Variants in RSPO3 observed in about 807,000 individuals in gnomAD.
The protein encoded by RSPO3 is R-spondin 3.
RSPO3 carries 17 observed loss-of-function variants against 36.5 expected under a neutral mutation model. The ratio of observed to expected loss-of-function variants is 0.47; its 90% CI spans 0.32 to 0.70. The LOEUF (loss-of-function observed/expected upper bound fraction) is 0.70, where lower values mean the gene tolerates loss of function less well. RSPO3 is among the 30% of genes least tolerant of loss of function. The pLI is 0.04. For missense variants in RSPO3, 294 were observed against 322.5 expected (o/e 0.91, Z 0.68); for synonymous variants, 108 against 107.0 (o/e 1.01, Z -0.06).
At chr6:127,120,649 G>C (rs559571254) in intron 1 of RSPO3, among the ~76,000 whole-genome samples, 1 of 152,254 alleles carries the variant, frequency 6.6e-6, no homozygotes, top group Admixed American at 6.5e-5. Context: ...GGGCATGAGG[G>C]TCCCCTGAAA....
intron 1 of RSPO3, among the ~76,000 whole-genome samples, chr6:127,146,200 T>C (rs1187670433): frequency 6.6e-6 from 1 of 152,148 alleles, no homozygotes; most frequent in Non-Finnish European, 1.5e-5. Context: ...AATTCACTGA[T>C]TAAAACATAA....
intron 1 of RSPO3, among the ~76,000 whole-genome samples, chr6:127,124,682 T>C (rs1582782891): frequency 6.6e-6 from 1 of 152,090 alleles, no homozygotes; most frequent in South Asian, 2.1e-4. Context: ...GACAACCTAG[T>C]AAATTTGAAA....
chr6:127,124,102 GA>G (rs1379105105), intron 1 of RSPO3, among the ~76,000 whole-genome samples: 1 of 151,972 alleles, frequency 6.6e-6, no homozygotes, highest in East Asian at 1.9e-4. Flanking sequence ...AGAGTTTTCA[GA>G]GCCCTATGTA....
intron 4 of RSPO3, among the ~76,000 whole-genome samples, chr6:127,160,571 T>G (rs1308901856): frequency 6.6e-6 from 1 of 152,214 alleles, no homozygotes; most frequent in Non-Finnish European, 1.5e-5. Context: ...CAGTCACATT[T>G]ATACCCACTT....
chr6:127,161,966 T>TGGCTGGGCAATTAAGGCTGAGACC (rs1774718187), intron 4 of RSPO3, among the ~76,000 whole-genome samples: 1 of 152,168 alleles, frequency 6.6e-6, no homozygotes, highest in South Asian at 2.1e-4. Context: ...TAACAATTTG[T>TGGCTGGGCAATTAAGGCTGAGACC]GGCTGGGCAA....
At chr6:127,152,449 A>C (rs1025411126) in intron 3 of RSPO3, among the ~76,000 whole-genome samples, 3 of 152,172 alleles carry the variant, frequency 2.0e-5, no homozygotes, top group African/African-American at 7.2e-5. Flanking sequence ...AAGGAATATT[A>C]AAGCCTGTTC....
chr6:127,177,979 T>A (rs1365087075), intron 4 of RSPO3, among the ~76,000 whole-genome samples: 1 of 151,712 alleles, frequency 6.6e-6, no homozygotes, highest in Non-Finnish European at 1.5e-5. Context: ...ACAGTCCTTT[T>A]TTGAGTCATT....
In RSPO3 at chr6:127,185,832, A is replaced by G. The variant is rs73771617; in HGVS notation, c.635-9991A>G. Among the ~76,000 whole-genome samples, 706 of 152,202 alleles carry G rather than the reference A, an allele frequency of 4.6e-3. 5 individuals carry two copies. Among genetic ancestry groups the G allele is most frequent in the African/African-American group, 0.016 (656 of 41,532 alleles). ...TACTATCAAGATTTCTTGTATAATC[A>G]ATCACAGCAAACATGTCAGCAAGTA... On this transcript the variant is annotated intron_variant, in intron 4 of 4. Coordinates refer to ENST00000356698, the MANE Select transcript of RSPO3 (RefSeq NM_032784.5).
chr6:127,156,809 G>C (rs1475534816), intron 4 of RSPO3, among the ~76,000 whole-genome samples: 3 of 152,096 alleles, frequency 2.0e-5, no homozygotes, highest in Non-Finnish European at 4.4e-5. Flanking sequence ...GTGTGAACTA[G>C]TTTAAAGGGA....
At position 127,148,779 on chromosome 6, in the gene RSPO3, C is replaced by G. The variant is rs776195682; in HGVS notation, c.229C>G (p.Leu77Val). Residue 77 changes from leucine to valine, a missense_variant, in exon 2 of 5, where the codon CTC becomes GTC. Transcript: ENST00000356698. ...RIGMKQIGVCLSSCPSGYYGT... is the reference protein window; with the variant it reads ...RIGMKQIGVCVSSCPSGYYGT... ...TGGCATGAAGCAGATTGGAGTATGT[C>G]TCTCTTCATGTCCAAGTGGATATTA... is the stretch of plus-strand genomic sequence containing the variant. 6.2e-6 allele frequency: 10 copies of G among 1,612,924 alleles called. No homozygotes were observed. The highest frequency in any genetic ancestry group is 8.5e-6 in the Non-Finnish European group (10 of 1,179,306).
chr6:127,142,593 A>C (rs551216718), intron 1 of RSPO3, among the ~76,000 whole-genome samples: 1 of 152,226 alleles, frequency 6.6e-6, no homozygotes, highest in Non-Finnish European at 1.5e-5. Context: ...GAATTACTGA[A>C]GTAAATGACA....
intron 4 of RSPO3, among the ~76,000 whole-genome samples, chr6:127,158,132 A>T (rs1446371732): frequency 7.3e-6 from 1 of 137,008 alleles, no homozygotes; most frequent in Non-Finnish European, 1.6e-5. Flanking sequence ...CAACAGAGCA[A>T]ATTTAGTAGA....
At position 127,198,643 on chromosome 6, in the gene RSPO3, G is replaced by A. The variant is rs1775561454; in HGVS notation, c.*2636G>A. On this transcript the variant is annotated 3_prime_UTR_variant, in exon 5 of 5. Transcript: ENST00000356698. ...GCTCCTGCCCTGTTCTCCGAATTCA[G>A]CTTCATAATTAAGGGAAGGCCTGTT... is the stretch of plus-strand genomic sequence containing the variant. 6.6e-6 allele frequency among the ~76,000 whole-genome samples: 1 copy of A among 152,186 alleles called. No homozygotes were observed. The highest frequency in any genetic ancestry group is 2.4e-5 in the African/African-American group (1 of 41,450).
In RSPO3 at chr6:127,155,404, A is replaced by G; in HGVS notation, c.600A>G (p.Thr200=). The part of the protein sequence containing the change: ...CPPTNETRKC[T]VQRKKCQKGE... ...CAACAAATGAGACAAGAAAGTGTAC[A>G]GTGCAAAGGAAGAAGTGTCAGAAGG... The change falls in exon 4 of 5, where the codon ACA becomes ACG. Residue 200 remains threonine, a synonymous_variant. Transcript: ENST00000356698. 6.2e-7 allele frequency: 1 copy of G among 1,613,796 alleles called. No homozygotes were observed. The highest frequency in any genetic ancestry group is 8.5e-7 in the Non-Finnish European group (1 of 1,179,812).
At chr6:127,186,728 C>T (rs887210514) in intron 4 of RSPO3, among the ~76,000 whole-genome samples, 8 of 151,910 alleles carry the variant, frequency 5.3e-5, no homozygotes, top group Admixed American at 1.3e-4. Context: ...TAAATTGGCA[C>T]GTTAGGCAAA....
In RSPO3 at chr6:127,197,347, T is replaced by A; in HGVS notation, c.*1340T>A. Reference sequence around the variant, plus strand: ...TTCATTGCTTAGAAATGGGCATCATTTCTTGTATGTCAGATCCCCCTGCAT... The same window carrying A: ...TTCATTGCTTAGAAATGGGCATCATATCTTGTATGTCAGATCCCCCTGCAT... On this transcript the variant is annotated 3_prime_UTR_variant, in exon 5 of 5. Transcript: ENST00000356698. 3 of 1,523,598 alleles carry A rather than the reference T, an allele frequency of 2.0e-6. No individual in the cohort carries two copies. Among genetic ancestry groups the A allele is most frequent in the Non-Finnish European group, 1.8e-6 (2 of 1,131,306 alleles). 94.4% of individuals were successfully genotyped at this position (1,523,598 alleles called of 1,614,324 possible).
chr6:127,167,558 T>C (rs755467856), intron 4 of RSPO3, among the ~76,000 whole-genome samples: 6 of 151,908 alleles, frequency 3.9e-5, no homozygotes, highest in Non-Finnish European at 5.9e-5. Context: ...GTCTATGCTA[T>C]TGTGACTAGT....
At chr6:127,142,231 C>A (rs2503107) in intron 1 of RSPO3, among the ~76,000 whole-genome samples, 85,035 of 151,930 alleles carry the variant, frequency 0.56, 23,804 homozygotes, top group African/African-American at 0.6. Flanking sequence ...ATTTTGCTAT[C>A]TATACCTAAC....
chr6:127,198,800 A>G lies in RSPO3; in HGVS notation c.*2793A>G, dbSNP rs528963600. ...GAGATGATCACTCTAGTTCCAGACAAGGGAACATTTCACACTTTGTTTACT... is the reference window on the plus strand; with the variant it reads ...GAGATGATCACTCTAGTTCCAGACAGGGGAACATTTCACACTTTGTTTACT... On this transcript the variant is annotated 3_prime_UTR_variant, in exon 5 of 5. Transcript: ENST00000356698. Among the ~76,000 whole-genome samples, 3 of 152,188 alleles carry G rather than the reference A, an allele frequency of 2.0e-5. No individual in the cohort carries two copies. Among genetic ancestry groups the G allele is most frequent in the Non-Finnish European group, 4.4e-5 (3 of 68,038 alleles).
Sources: allele counts gnomAD v4.1 joint callset (sites outside exome capture counted in the v4.1 genomes callset), GRCh38; gene constraint gnomAD v4.1.1; transcripts MANE v1.5; gene names NCBI Gene and HGNC (gene_info 2026-07-23, HGNC 2026-07-21).